PATJ: variants seen among roughly 807,000 people sequenced by gnomAD.
PATJ encodes PATJ crumbs cell polarity complex component.
PATJ carries 190 observed loss-of-function variants against 224.9 expected under a neutral mutation model. That is an observed-to-expected ratio of 0.84 (90% CI 0.75 to 0.95). The LOEUF (loss-of-function observed/expected upper bound fraction) is 0.95, where lower values mean the gene tolerates loss of function less well. Among genes scored for constraint, PATJ ranks in the 40% least tolerant of loss-of-function variants. The pLI, the probability that PATJ is intolerant of heterozygous loss-of-function variation, is 0.00. For synonymous variants in PATJ, 769 were observed against 820.3 expected (o/e 0.94, Z 1.07); for missense variants, 2,121 against 2,270.3 (o/e 0.93, Z 1.34).
chr1:62,147,792 C>T (rs1256717665), intron 41 of PATJ, among the ~76,000 whole-genome samples: 4 of 147,010 alleles, frequency 2.7e-5, no homozygotes, highest in South Asian at 2.2e-4. Flanking sequence ...AGCGAGACTC[C>T]GACTAAAAAA....
At chr1:61,783,551 G>A (rs1239265017) in intron 7 of PATJ, among the ~76,000 whole-genome samples, 1 of 151,092 alleles carries the variant, frequency 6.6e-6, no homozygotes, top group Non-Finnish European at 1.5e-5. Context: ...AAAGTGCTGG[G>A]ATTACAGGCA....
chr1:61,762,990 C>G (rs1646050831), intron 2 of PATJ, 23 bp from the exon 3 acceptor site: 4 of 1,591,914 alleles, frequency 2.5e-6, no homozygotes, highest in Non-Finnish European at 3.4e-6. Context: ...AACTATTACT[C>G]TACTTATTCA....
At chr1:62,003,026 C>T (rs1645881508) in intron 28 of PATJ, among the ~76,000 whole-genome samples, 1 of 152,170 alleles carries the variant, frequency 6.6e-6, no homozygotes, top group Non-Finnish European at 1.5e-5. Flanking sequence ...CCAGTCCTGT[C>T]TGCTTAGGTG....
chr1:61,965,121 C>CAAAAAAAAAAAAAAA lies in PATJ; in HGVS notation c.3671-25021_3671-25007dup, dbSNP rs34267345. On this transcript the variant is annotated intron_variant, in intron 27 of 43. Transcript: ENST00000642238. ...TGGGCCACTGAAGGAGACTCTGTCT[C>CAAAAAAAAAAAAAAA]AAAAAAAAAAAAAAAAAAAAAAAAA... 9.4e-4 allele frequency among the ~76,000 whole-genome samples: 51 copies of CAAAAAAAAAAAAAAA among 54,376 alleles called. 8 individuals carry two copies. Among genetic ancestry groups the CAAAAAAAAAAAAAAA allele is most frequent in the East Asian group, 2.1e-3 (1 of 478 alleles). 35.7% of individuals were successfully genotyped at this position (54,376 alleles called of 152,430 possible). A position where few individuals can be genotyped will look rare whatever the true frequency, so the allele number is the denominator to read the frequency against.
intron 14 of PATJ, among the ~76,000 whole-genome samples, chr1:61,812,433 AGTGTGTGTGT>A (rs71050167): frequency 3.5e-5 from 3 of 85,150 alleles, no homozygotes; most frequent in South Asian, 8.7e-4. Flanking sequence ...AGAGAGAGAG[AGTGTGTGTGT>A]GTGTGTGTGT....
At chr1:62,026,262 T>C (rs1197415407) in intron 29 of PATJ, among the ~76,000 whole-genome samples, 1 of 152,236 alleles carries the variant, frequency 6.6e-6, no homozygotes, top group African/African-American at 2.4e-5. Context: ...TGATTTGCTT[T>C]GTTTTGTACA....
intron 17 of PATJ, among the ~76,000 whole-genome samples, chr1:61,855,339 A>C (rs902150632): frequency 4.6e-5 from 7 of 152,192 alleles, no homozygotes; most frequent in African/African-American, 1.7e-4. Context: ...GCACTCAGAC[A>C]TGCCACTGAA....
intron 22 of PATJ, among the ~76,000 whole-genome samples, chr1:61,892,585 G>T (rs906599764): frequency 6.6e-6 from 1 of 152,140 alleles, no homozygotes; most frequent in African/African-American, 2.4e-5. Flanking sequence ...CAATTGGATG[G>T]TTAATTCCTT....
intron 33 of PATJ, among the ~76,000 whole-genome samples, chr1:62,107,071 G>A (rs1455955543): frequency 1.3e-5 from 2 of 151,940 alleles, no homozygotes; most frequent in African/African-American, 4.8e-5. Context: ...ACTCTGGGAG[G>A]TGAGGCGGGC....
intron 27 of PATJ, among the ~76,000 whole-genome samples, chr1:61,946,158 T>C (rs932275197): frequency 4.1e-4 from 63 of 152,112 alleles, no homozygotes; most frequent in African/African-American, 1.5e-3. Context: ...TGAAAAGAAC[T>C]AGAGAAGCAA....
At chr1:62,080,040 A>AT (rs1295571078) in intron 32 of PATJ, among the ~76,000 whole-genome samples, 2 of 151,838 alleles carry the variant, frequency 1.3e-5, no homozygotes, top group Admixed American at 1.3e-4. Context: ...AAAAAAAAAA[A>AT]AGGAAAAGAA....
chr1:61,868,018 T>C (rs1372849601), intron 20 of PATJ, among the ~76,000 whole-genome samples: 1 of 152,204 alleles, frequency 6.6e-6, no homozygotes, highest in African/African-American at 2.4e-5. Flanking sequence ...GTCAGCTATA[T>C]TTGTGGAGGG....
intron 29 of PATJ, among the ~76,000 whole-genome samples, chr1:62,022,336 C>G (rs1207269787): frequency 6.6e-6 from 1 of 152,122 alleles, no homozygotes; most frequent in Admixed American, 6.6e-5. Flanking sequence ...CACTTTTTCC[C>G]TTTTGCTTTT....
At chr1:62,061,648 A>G (rs760270180) in intron 31 of PATJ, among the ~76,000 whole-genome samples, 85 of 152,104 alleles carry the variant, frequency 5.6e-4, no homozygotes, top group Non-Finnish European at 1.1e-3. Context: ...GTAGCATTTC[A>G]TGTGTATGCA....
intron 14 of PATJ, among the ~76,000 whole-genome samples, chr1:61,810,321 T>G (rs1426660391): frequency 6.6e-6 from 1 of 152,196 alleles, no homozygotes; most frequent in African/African-American, 2.4e-5. Flanking sequence ...TTAAATTATT[T>G]ACAAAGTCAG....
chr1:62,068,321 TGTTA>T (rs767947010), intron 31 of PATJ, among the ~76,000 whole-genome samples: 82 of 152,316 alleles, frequency 5.4e-4, no homozygotes, highest in Non-Finnish European at 7.9e-4. Context: ...TTTGTTTGTT[TGTTA>T]GTTAGTTTGT....
intron 41 of PATJ, among the ~76,000 whole-genome samples, chr1:62,145,875 T>C (rs1667993034): frequency 6.6e-6 from 1 of 151,682 alleles, no homozygotes; most frequent in African/African-American, 2.4e-5. Flanking sequence ...CGAGAATTGC[T>C]TGAACCCGGG....
At chr1:62,122,641 A>G (rs1446408350) in intron 38 of PATJ, among the ~76,000 whole-genome samples, 1 of 152,032 alleles carries the variant, frequency 6.6e-6, no homozygotes, top group Non-Finnish European at 1.5e-5. Context: ...CCTGGCCAAC[A>G]TGGTGAAACC....
chr1:61,840,535 T>C (rs911539777), intron 17 of PATJ, among the ~76,000 whole-genome samples: 6 of 152,050 alleles, frequency 3.9e-5, no homozygotes, highest in Non-Finnish European at 7.4e-5. Flanking sequence ...GATTATATCA[T>C]ACACACTTTA....
Sources: gnomAD v4.1 joint callset for allele counts (sites outside exome capture counted in the v4.1 genomes callset) on GRCh38, gnomAD v4.1.1 for gene constraint, MANE v1.5 for transcripts, NCBI Gene and HGNC (gene_info 2026-07-23, HGNC 2026-07-21) for gene names.